Variants in PDCD10 observed in about 807,000 individuals in gnomAD.
The protein encoded by PDCD10 is programmed cell death 10, also known as programmed cell death protein 10.
A neutral mutation model predicts 29.2 loss-of-function variants in PDCD10; 4 were observed. That is an observed-to-expected ratio of 0.14 (90% CI 0.07 to 0.31). PDCD10 has a LOEUF of 0.31. PDCD10 is among the 10% of genes least tolerant of loss of function. The probability of loss-of-function intolerance (pLI) is 1.00; values close to 1 mark genes in which losing one functional copy is unlikely to be tolerated. For synonymous variants in PDCD10, 70 were observed against 82.2 expected (o/e 0.85, Z 0.80); for missense variants, 183 against 257.9 (o/e 0.71, Z 1.99).
intron 2 of PDCD10, among the ~76,000 whole-genome samples, chr3:167,725,680 C>G (rs1379611671): frequency 6.7e-6 from 1 of 148,896 alleles, no homozygotes; most frequent in Admixed American, 6.7e-5. Context: ...CAGTTTAGTA[C>G]TTACAGAATT....
chr3:167,722,476 TAGCCAAA>T, intron 2 of PDCD10, among the ~76,000 whole-genome samples: 1 of 152,154 alleles, frequency 6.6e-6, no homozygotes, highest in African/African-American at 2.4e-5. Flanking sequence ...AAGAAGAAGG[TAGCCAAA>T]AGTTTTAAGT....
At chr3:167,691,598 G>A (rs1026875585) in intron 6 of PDCD10, among the ~76,000 whole-genome samples, 2 of 152,238 alleles carry the variant, frequency 1.3e-5, no homozygotes, top group Non-Finnish European at 2.9e-5. Context: ...TAGGGGGAAA[G>A]AGGATGTCAA....
chr3:167,691,267 T>C (rs1435400646), intron 6 of PDCD10, among the ~76,000 whole-genome samples: 1 of 152,240 alleles, frequency 6.6e-6, no homozygotes, highest in Non-Finnish European at 1.5e-5. Context: ...GGTTGAATTT[T>C]AGTCTCAGAA....
At chr3:167,703,122 G>C (rs577093092) in intron 4 of PDCD10, among the ~76,000 whole-genome samples, 2 of 152,186 alleles carry the variant, frequency 1.3e-5, no homozygotes, top group South Asian at 4.1e-4. Context: ...CATTAGAAAA[G>C]CTGAAATATT....
chr3:167,725,455 C>T (rs1257148924), intron 2 of PDCD10: 1 of 151,450 alleles, frequency 6.6e-6, no homozygotes, highest in African/African-American at 2.4e-5. Context: ...AACAAGAGAC[C>T]AAGATTTAGA....
intron 4 of PDCD10, among the ~76,000 whole-genome samples, chr3:167,700,931 G>T (rs1450636648): frequency 6.6e-6 from 1 of 152,184 alleles, no homozygotes; most frequent in East Asian, 1.9e-4. Flanking sequence ...TAGCCACAAA[G>T]AATATTTATT....
chr3:167,704,523 C>T (rs1721773144), intron 4 of PDCD10: 2 of 229,178 alleles, frequency 8.7e-6, no homozygotes, highest in African/African-American at 2.4e-5. Flanking sequence ...TCACCACGCC[C>T]AGCCATATAA....
rs751487191 is a variant in PDCD10, at chr3:167,683,438, G to A, written c.*870C>T. The A allele has an allele frequency of 6.6e-6, 1 of 151,900 alleles. No homozygotes were observed. Among genetic ancestry groups the A allele is most frequent in the Non-Finnish European group, 1.5e-5 (1 of 67,908 alleles). 9.4% of individuals were successfully genotyped at this position (151,900 alleles called of 1,614,324 possible). On this transcript the variant is annotated 3_prime_UTR_variant, in exon 9 of 9. Transcript: ENST00000392750. The stretch of plus-strand genomic sequence containing the variant: ...GAGTGTATATAATATTAACACTCAT[G>A]ACAATTTCAATCCAACCGTTGATAT...
intron 2 of PDCD10, among the ~76,000 whole-genome samples, chr3:167,726,942 ACCTTTTATCTC>A (rs1235507494): frequency 6.6e-6 from 1 of 152,140 alleles, no homozygotes; most frequent in Non-Finnish European, 1.5e-5. Context: ...TATTTTCAAA[ACCTTTTATCTC>A]CCATTTGCCA....
At chr3:167,699,287 A>C (rs967800786) in intron 4 of PDCD10, among the ~76,000 whole-genome samples, 1 of 152,226 alleles carries the variant, frequency 6.6e-6, no homozygotes, top group Non-Finnish European at 1.5e-5. Flanking sequence ...AGTGAAGGAC[A>C]ATCCAATATG....
chr3:167,720,032 T>C (rs1196137639), intron 3 of PDCD10, 30 bp downstream of exon 3: 8 of 1,263,688 alleles, frequency 6.3e-6, no homozygotes, highest in Non-Finnish European at 9.3e-6. Context: ...AATTGCAGAG[T>C]TCATGCAAGA....
At chr3:167,715,632 T>C (rs1054493236) in intron 3 of PDCD10, among the ~76,000 whole-genome samples, 4 of 151,930 alleles carry the variant, frequency 2.6e-5, no homozygotes, top group Non-Finnish European at 5.9e-5. Context: ...AAAGAAGACA[T>C]ACAAATGACA....
chr3:167,688,253 T>C (rs1223321350), intron 6 of PDCD10, among the ~76,000 whole-genome samples: 1 of 152,194 alleles, frequency 6.6e-6, no homozygotes, highest in Admixed American at 6.5e-5. Context: ...GAAATATTCT[T>C]CCTCCCTTAC....
Position 167,684,321 on chromosome 3 carries a change from T to G in PDCD10, c.626A>C (p.Lys209Thr). 6.3e-7 allele frequency: 1 copy of G among 1,590,212 alleles called. No homozygotes were observed. ...HQTNLILQTF[K>T]TVA ...CATATACAACTTTCAGGCCACAGTT[T>G]TGAAGGTCTGAAGTATTAAGTTGGT... Residue 209 changes from lysine to threonine, a missense_variant, in exon 9 of 9, where the codon AAA (lysine) becomes ACA (threonine). Lys to Thr is a moderately conservative substitution (Grantham distance 78). Transcript: ENST00000392750.
chr3:167,698,085 CATTG>C (rs2108413310), intron 4 of PDCD10: 9 of 433,690 alleles, frequency 2.1e-5, no homozygotes, highest in South Asian at 1.5e-4. Context: ...TCTTCAATTC[CATTG>C]ATTATCACTG....
Position 167,684,009 on chromosome 3 carries a change from C to A in PDCD10, c.*299G>T. On this transcript the variant is annotated 3_prime_UTR_variant, in exon 9 of 9. Transcript: ENST00000392750. ...AAGTTAAAATGTCAGAAACAAACAC[C>A]AATATTTACAATTCTTTTAAGGAAT... 3.8e-6 allele frequency: 1 copy of A among 265,090 alleles called. No homozygotes were observed. The highest frequency in any genetic ancestry group is 7.4e-6 in the Non-Finnish European group (1 of 134,326). The allele number at this position is 265,090 out of a possible 1,614,324, so 16.4% of individuals were successfully genotyped here.
At chr3:167,729,070 C>T (rs572932259) in intron 2 of PDCD10, among the ~76,000 whole-genome samples, 5 of 152,258 alleles carry the variant, frequency 3.3e-5, no homozygotes, top group Admixed American at 2.6e-4. Context: ...AGATAAGAAA[C>T]GTGGATCTGC....
intron 5 of PDCD10, among the ~76,000 whole-genome samples, chr3:167,696,703 A>T (rs529959774): frequency 4.1e-4 from 63 of 152,314 alleles, no homozygotes; most frequent in Middle Eastern, 3.4e-3. Flanking sequence ...ACACATTCCA[A>T]ATAAGCTTAT....
At chr3:167,686,226 C>T (rs1403049794) in intron 8 of PDCD10, among the ~76,000 whole-genome samples, 1 of 152,080 alleles carries the variant, frequency 6.6e-6, no homozygotes, top group Non-Finnish European at 1.5e-5. Flanking sequence ...ATACATTATA[C>T]GTATGCATGT....
Sources: gnomAD v4.1 joint callset for allele counts (sites outside exome capture counted in the v4.1 genomes callset) on GRCh38, gnomAD v4.1.1 for gene constraint, MANE v1.5 for transcripts, NCBI Gene and HGNC (gene_info 2026-07-23, HGNC 2026-07-21) for gene names.